Variants in GABRA1 observed in about 807,000 individuals in gnomAD.
GABRA1 encodes the protein gamma-aminobutyric acid type A receptor subunit alpha1.
In GABRA1, 9 loss-of-function variants were observed where a neutral mutation model predicts 48.9. The ratio of observed to expected loss-of-function variants is 0.18; its 90% CI spans 0.11 to 0.32. The LOEUF (loss-of-function observed/expected upper bound fraction) is 0.32. Ranked by LOEUF, GABRA1 falls within the 10% of genes least tolerant of loss-of-function variation. GABRA1 has a pLI of 1.00. For missense variants in GABRA1, 285 were observed against 553.8 expected (o/e 0.51, Z 4.87); for synonymous variants, 210 against 198.7 (o/e 1.06, Z -0.48).
chr5:161,874,049 A>G (rs1485715441), intron 5 of GABRA1, among the ~76,000 whole-genome samples: 1 of 152,200 alleles, frequency 6.6e-6, no homozygotes, highest in East Asian at 1.9e-4. Context: ...TCTGGAACTC[A>G]TTCTTGAGAG....
At chr5:161,881,894 CA>C (rs1372938200) in intron 6 of GABRA1, 1 of 61,110 alleles carries the variant, frequency 1.6e-5, no homozygotes, top group Non-Finnish European at 3.0e-5. Context: ...GAAACTGCAT[CA>C]AAAAAAGAAA....
chr5:161,850,682 T>G, intron 1 of GABRA1, 114 bp from the exon 2 acceptor site: 1 of 819,994 alleles, frequency 1.2e-6, no homozygotes, highest in Non-Finnish European at 2.1e-6. Context: ...CATATCCCAG[T>G]GAGGTCATTT....
intron 3 of GABRA1, among the ~76,000 whole-genome samples, chr5:161,858,280 T>C (rs1162224764): frequency 6.6e-6 from 1 of 151,652 alleles, no homozygotes; most frequent in African/African-American, 2.4e-5. Flanking sequence ...TCCTAAAAAA[T>C]TAAATAATGC....
intron 7 of GABRA1, among the ~76,000 whole-genome samples, chr5:161,883,774 C>T (rs1184313057): frequency 6.6e-6 from 1 of 152,102 alleles, no homozygotes; most frequent in Non-Finnish European, 1.5e-5. Context: ...AATAGGTCGA[C>T]CTCTCTTGCT....
intron 4 of GABRA1, among the ~76,000 whole-genome samples, chr5:161,870,973 T>A (rs2113373481): frequency 6.6e-6 from 1 of 151,692 alleles, no homozygotes; most frequent in Non-Finnish European, 1.5e-5. Flanking sequence ...TGTGTGTGTG[T>A]GTGTGTGTGT....
At chr5:161,874,243 C>T (rs1754247358) in intron 5 of GABRA1, among the ~76,000 whole-genome samples, 2 of 152,020 alleles carry the variant, frequency 1.3e-5, no homozygotes, top group South Asian at 2.1e-4. Context: ...GCCAGAATGC[C>T]TAGCTTTTCA....
intron 7 of GABRA1, among the ~76,000 whole-genome samples, chr5:161,888,401 T>TTCTGTTAGGGAAAA (rs751808490): frequency 1.3e-5 from 2 of 152,128 alleles, no homozygotes; most frequent in Non-Finnish European, 2.9e-5. Flanking sequence ...TTGGAATTTC[T>TTCTGTTAGGGAAAA]TCTGTTAGGG....
At chr5:161,860,461 G>T (rs955458293) in intron 3 of GABRA1, among the ~76,000 whole-genome samples, 2 of 151,304 alleles carry the variant, frequency 1.3e-5, no homozygotes, top group African/African-American at 2.4e-5. Flanking sequence ...GAGAGTAGAA[G>T]GATGGTTATC....
intron 9 of GABRA1, among the ~76,000 whole-genome samples, chr5:161,896,882 T>A (rs565742725): frequency 6.6e-6 from 1 of 152,328 alleles, no homozygotes; most frequent in East Asian, 1.9e-4. Flanking sequence ...AGTGGTAACA[T>A]CTACCTTATT....
At position 161,898,710 on chromosome 5, in the gene GABRA1, T is replaced by C. The variant is rs1755483419; in HGVS notation, c.*1288T>C. 6.6e-6 allele frequency: 1 copy of C among 152,566 alleles called. No individual in the cohort carries two copies. Among genetic ancestry groups the C allele is most frequent in the South Asian group, 2.1e-4 (1 of 4,834 alleles). 9.5% of individuals were successfully genotyped at this position (152,566 alleles called of 1,614,324 possible). ...AGTCATTCCACACATTTCCCTATTTTAGGCTATTATAATATAGAAAGAAAA... is the reference window on the plus strand; with the variant it reads ...AGTCATTCCACACATTTCCCTATTTCAGGCTATTATAATATAGAAAGAAAA... On this transcript the variant is annotated 3_prime_UTR_variant, in exon 10 of 10. Transcript: ENST00000393943.
At chr5:161,889,579 T>C (rs1415583559) in intron 7 of GABRA1, among the ~76,000 whole-genome samples, 1 of 152,080 alleles carries the variant, frequency 6.6e-6, no homozygotes, top group African/African-American at 2.4e-5. Context: ...GGTAGAGTTT[T>C]GTAGGCCAAT....
intron 1 of GABRA1, chr5:161,848,828 G>A (rs907425710): frequency 8.8e-6 from 3 of 342,590 alleles, no homozygotes; most frequent in Non-Finnish European, 1.7e-5. Context: ...AGGGGCGTCG[G>A]GGGCCATCAT....
intron 4 of GABRA1, 125 bp from the exon 5 acceptor site, chr5:161,872,992 C>A: frequency 1.3e-6 from 1 of 769,662 alleles, no homozygotes; most frequent in Non-Finnish European, 2.4e-6. Context: ...ACGTTTACTT[C>A]TAAAAACATC....
At chr5:161,868,214 C>T (rs868264931) in intron 4 of GABRA1, among the ~76,000 whole-genome samples, 1 of 151,984 alleles carries the variant, frequency 6.6e-6, no homozygotes, top group Non-Finnish European at 1.5e-5. Flanking sequence ...TATCTGTAGA[C>T]AAGTAGATTT....
At chr5:161,854,446 A>G (rs1258796759) in intron 3 of GABRA1, among the ~76,000 whole-genome samples, 176 bp downstream of exon 3, 1 of 151,772 alleles carries the variant, frequency 6.6e-6, no homozygotes, top group African/African-American at 2.4e-5. Flanking sequence ...TTTCATATCC[A>G]TACGTAGTAA....
chr5:161,893,246 T>G (rs1263563886), intron 8 of GABRA1, among the ~76,000 whole-genome samples: 1 of 152,018 alleles, frequency 6.6e-6, no homozygotes, highest in African/African-American at 2.4e-5. Flanking sequence ...TCAGCAATCT[T>G]ATATCTCAAC....
At chr5:161,882,384 A>T (rs1318080077) in intron 6 of GABRA1, 174 bp from the exon 7 acceptor site, 2 of 640,546 alleles carry the variant, frequency 3.1e-6, no homozygotes, top group Non-Finnish European at 5.4e-6. Context: ...GACTAAAAAA[A>T]AAAAATCAGA....
chr5:161,896,385 T>C (rs1755369756), intron 9 of GABRA1, among the ~76,000 whole-genome samples: 1 of 152,180 alleles, frequency 6.6e-6, no homozygotes, highest in Non-Finnish European at 1.5e-5. Context: ...AAAATAGACA[T>C]ATGCTTTAGG....
rs1176681154 is a variant in GABRA1 at position 161,850,527 on chromosome 5, A to T, written c.-15-269A>T. 5.6e-6 allele frequency: 3 copies of T among 538,948 alleles called. No individual in the cohort carries two copies. In the East Asian group the frequency reaches 8.7e-5, roughly 16 times the overall value. The allele number at this position is 538,948 out of a possible 1,614,324, so 33.4% of individuals were successfully genotyped here. A position where few individuals can be genotyped will look rare whatever the true frequency, so the allele number is the denominator to read the frequency against. Reference sequence around the variant, plus strand: ...TAGAGATAAACAACTCACAGTTTTTATGTTGAGCAATACTGTCACCTGAAA... The same window carrying T: ...TAGAGATAAACAACTCACAGTTTTTTTGTTGAGCAATACTGTCACCTGAAA... On this transcript the variant is annotated intron_variant, in intron 1 of 9. Coordinates refer to ENST00000393943, the MANE Select transcript of GABRA1 (RefSeq NM_001127644.2).
Sources: gnomAD v4.1 joint callset for allele counts (sites outside exome capture counted in the v4.1 genomes callset) on GRCh38, gnomAD v4.1.1 for gene constraint, MANE v1.5 for transcripts, NCBI Gene and HGNC (gene_info 2026-07-23, HGNC 2026-07-21) for gene names.